The following BDKRB2 variants were observed in gnomAD, a reference collection of about 807,000 sequenced individuals.
The protein encoded by BDKRB2 is B2 bradykinin receptor.
A neutral mutation model predicts 4.0 loss-of-function variants in BDKRB2; 6 were observed. The ratio of observed to expected loss-of-function variants is 1.49; its 90% confidence interval spans 0.81 to 2.93. The LOEUF (loss-of-function observed/expected upper bound fraction) is 2.93, where lower values mean the gene tolerates loss of function less well. BDKRB2 is among the 30% of genes most tolerant of loss of function. The probability of loss-of-function intolerance (pLI) is 0.00; values close to 1 mark genes in which losing one functional copy is unlikely to be tolerated. For synonymous variants in BDKRB2, 225 were observed against 215.3 expected, an observed-to-expected ratio of 1.05 and a Z score of -0.40; for missense variants, 478 against 520.1, an observed-to-expected ratio of 0.92 and a Z score of 0.79.
intron 1 of BDKRB2, among the ~76,000 whole-genome samples, chr14:96,221,531 G>A (rs1317163848): frequency 6.6e-6 from 1 of 152,086 alleles, no homozygotes; most frequent in Non-Finnish European, 1.5e-5. Flanking sequence ...CTGGGACCTT[G>A]GAACCAGTGT....
At chr14:96,240,303 C>A in intron 2 of BDKRB2, 100 bp from the exon 3 acceptor site, 1 of 1,352,842 alleles carries the variant, frequency 7.4e-7, no homozygotes, top group South Asian at 2.6e-5. Flanking sequence ...CTTCTCCTTG[C>A]CCTGGCTGGT....
Position 96,235,368 on chromosome 14 carries a change from A to G in BDKRB2, c.-39-1701A>G, listed in dbSNP as rs1890907701. ...GTCTCAAAAAAAAAAAAAAAAAAAA[A>G]AAAAAATTACGCTTCAAACACATGA... On this transcript the variant is annotated intron_variant, in intron 1 of 2. Coordinates refer to ENST00000554311, the MANE Select transcript of BDKRB2 (RefSeq NM_001379692.1). Among the ~76,000 whole-genome samples, 5 of 151,812 alleles carry G rather than the reference A, an allele frequency of 3.3e-5. No homozygotes were observed. In the South Asian group the frequency reaches 1.0e-3, roughly 32 times the overall value.
rs1265886726 is a variant in BDKRB2 at position 96,241,356 on chromosome 14, C to G, written c.1028C>G (p.Ser343Cys). 2 of 1,613,984 alleles carry G rather than the reference C, an allele frequency of 1.2e-6. No individual in the cohort carries two copies. The highest frequency in any genetic ancestry group is 2.2e-5 in the South Asian group (2 of 91,066). Reference protein sequence around the residue: ...VIVGKRFRKKSWEVYQGVCQK... With the variant: ...VIVGKRFRKKCWEVYQGVCQK... Reference sequence around the variant, plus strand: ...GTGGGCAAGCGCTTCCGAAAGAAGTCTTGGGAGGTGTACCAGGGAGTGTGC... The same window carrying G: ...GTGGGCAAGCGCTTCCGAAAGAAGTGTTGGGAGGTGTACCAGGGAGTGTGC... Residue 343 changes from serine to cysteine, a missense_variant, in exon 3 of 3, where the codon TCT becomes TGT. Coordinates refer to ENST00000554311, the MANE Select transcript of BDKRB2 (RefSeq NM_001379692.1).
intron 1 of BDKRB2, among the ~76,000 whole-genome samples, chr14:96,230,725 T>C (rs1342155588): frequency 6.6e-6 from 1 of 151,622 alleles, no homozygotes; most frequent in Non-Finnish European, 1.5e-5. Context: ...CAAGCGATTC[T>C]CCTGCCTCAG....
intron 1 of BDKRB2, among the ~76,000 whole-genome samples, chr14:96,228,409 G>T (rs1235807347): frequency 2.0e-5 from 3 of 152,198 alleles, no homozygotes; most frequent in Non-Finnish European, 4.4e-5. Context: ...ACACGGACTT[G>T]AAGGATGGTG....
At chr14:96,223,318 C>G (rs553610070) in intron 1 of BDKRB2, 9 of 1,053,264 alleles carry the variant, frequency 8.5e-6, no homozygotes, top group Admixed American at 1.7e-5. Flanking sequence ...GCTGTTCCGG[C>G]GCCCACCACC....
rs149368950 is a variant in BDKRB2, at chr14:96,240,152, G to A, written c.75-251G>A. 1.4e-4 allele frequency: 175 copies of A among 1,224,268 alleles called. 3 individuals are homozygous for A. In the African/African-American group the frequency reaches 1.7e-3, roughly 12 times the overall value. 75.8% of individuals were successfully genotyped at this position (1,224,268 alleles called of 1,614,324 possible). A position where few individuals can be genotyped will look rare whatever the true frequency, so the allele number is the denominator to read the frequency against. ...AGTGCTGTTGGTGGATACTGGCCAA[G>A]GAAATATCCCAGTGGAGCCTCGAGA... On this transcript the variant is annotated intron_variant, in intron 2 of 2. Transcript: ENST00000554311.
intron 1 of BDKRB2, among the ~76,000 whole-genome samples, chr14:96,209,563 GA>G (rs1315386600): frequency 6.6e-6 from 1 of 152,192 alleles, no homozygotes; most frequent in East Asian, 1.9e-4. Context: ...GTGGCCAAAA[GA>G]GGCAAGCAGT....
intron 1 of BDKRB2, among the ~76,000 whole-genome samples, chr14:96,224,204 G>A (rs147108902): frequency 7.2e-5 from 11 of 152,306 alleles, no homozygotes; most frequent in African/African-American, 2.6e-4. Context: ...AATTACTGAA[G>A]CTGGGTGAAG....
chr14:96,211,845 AG>A (rs1471634183), intron 1 of BDKRB2, among the ~76,000 whole-genome samples: 4 of 152,192 alleles, frequency 2.6e-5, no homozygotes, highest in African/African-American at 9.7e-5. Flanking sequence ...CTCCCTGCGA[AG>A]GCCGGTGCAT....
Position 96,222,300 on chromosome 14 carries a change from C to T in BDKRB2, c.-39-14769C>T, listed in dbSNP as rs558062561. On this transcript the variant is annotated intron_variant, in intron 1 of 2. Coordinates refer to ENST00000554311, the MANE Select transcript of BDKRB2 (RefSeq NM_001379692.1). Reference sequence around the variant, plus strand: ...CTGCGTTCACCAACTCGGAAGCTCTCCCAATCCTGTCTTTTAGGGATTTTG... The same window carrying T: ...CTGCGTTCACCAACTCGGAAGCTCTTCCAATCCTGTCTTTTAGGGATTTTG... Among the ~76,000 whole-genome samples, 11 of 152,158 alleles carry T rather than the reference C, an allele frequency of 7.2e-5. No individual in the cohort carries two copies. In the East Asian group the frequency reaches 1.7e-3, roughly 24 times the overall value.
At chr14:96,223,195 A>C in intron 1 of BDKRB2, 1 of 1,136,960 alleles carries the variant, frequency 8.8e-7, no homozygotes, top group Non-Finnish European at 1.3e-6. Context: ...GGACATAGCC[A>C]AGCTGGTCCC....
At chr14:96,230,128 C>T (rs1165096079) in intron 1 of BDKRB2, among the ~76,000 whole-genome samples, 9 of 151,058 alleles carry the variant, frequency 6.0e-5, no homozygotes, top group East Asian at 3.9e-4. Flanking sequence ...AGCGAGACTC[C>T]GTCTCAACAA....
rs59871160 is a variant in BDKRB2 at position 96,209,997 on chromosome 14, A to AAATAATAAT, written c.-40+5051_-40+5059dup. Among the ~76,000 whole-genome samples, 455 of 144,562 alleles carry AAATAATAAT rather than the reference A, an allele frequency of 3.1e-3. 3 individuals are homozygous for AAATAATAAT. Among genetic ancestry groups the AAATAATAAT allele is most frequent in the Middle Eastern group, 7.1e-3 (2 of 280 alleles). The allele number at this position is 144,562 out of a possible 152,430, so 94.8% of individuals were successfully genotyped here. ...GGTGACAGAGCAAGACTCTATCTCA[A>AAATAATAAT]AATAATAATAATAATAATAATCATC... On this transcript the variant is annotated intron_variant, in intron 1 of 2. Transcript: ENST00000554311.
At chr14:96,212,898 G>A (rs555007097) in intron 1 of BDKRB2, among the ~76,000 whole-genome samples, 1 of 152,154 alleles carries the variant, frequency 6.6e-6, no homozygotes, top group African/African-American at 2.4e-5. Context: ...CCCCTGCCTG[G>A]GATTCTACCA....
intron 1 of BDKRB2, among the ~76,000 whole-genome samples, chr14:96,231,108 T>C (rs1359381101): frequency 6.6e-6 from 1 of 152,092 alleles, no homozygotes; most frequent in African/African-American, 2.4e-5. Flanking sequence ...AAGAATAAAA[T>C]AAGTTCCGGG....
chr14:96,238,438 C>T, intron 2 of BDKRB2: 2 of 982,098 alleles, frequency 2.0e-6, no homozygotes, highest in Non-Finnish European at 2.4e-6. Context: ...TGAAGAATAT[C>T]AAGTAATTCG....
intron 1 of BDKRB2, among the ~76,000 whole-genome samples, chr14:96,231,083 A>T (rs968520277): frequency 6.6e-6 from 1 of 152,258 alleles, no homozygotes; most frequent in Non-Finnish European, 1.5e-5. Flanking sequence ...ACCACAGTGA[A>T]CAGGAAAAAA....
At chr14:96,238,003 G>C in intron 2 of BDKRB2, 1 of 1,178,630 alleles carries the variant, frequency 8.5e-7, no homozygotes, top group Non-Finnish European at 1.1e-6. Context: ...TACAGAAATG[G>C]GGTTGAGGGT....
Sources: gnomAD v4.1 joint callset for allele counts (sites outside exome capture counted in the v4.1 genomes callset) on GRCh38, gnomAD v4.1.1 for gene constraint, MANE v1.5 for transcripts, NCBI Gene and HGNC (gene_info 2026-07-23, HGNC 2026-07-21) for gene names.